NFASC: variants seen among roughly 807,000 people sequenced by gnomAD.
NFASC encodes neurofascin homolog.
A neutral mutation model predicts 147.5 loss-of-function variants in NFASC; 43 were observed. That is an observed-to-expected ratio of 0.29 (90% CI 0.23 to 0.38). NFASC has a LOEUF of 0.38. Ranked by LOEUF, NFASC falls within the 10% of genes least tolerant of loss-of-function variation. The pLI, the probability that NFASC is intolerant of heterozygous loss-of-function variation, is 1.00. For synonymous variants in NFASC, 622 were observed against 665.5 expected, an observed-to-expected ratio of 0.93 and a Z score of 1.01; for missense variants, 1,320 against 1,689.0, an observed-to-expected ratio of 0.78 and a Z score of 3.83.
chr1:204,886,971 T>TA (rs1008144281), intron 1 of NFASC, among the ~76,000 whole-genome samples: 20 of 151,978 alleles, frequency 1.3e-4, no homozygotes, highest in African/African-American at 4.6e-4. Context: ...TTTGCCTCAT[T>TA]AAAAAAAATT....
rs184766322 is a variant in NFASC, at chr1:204,907,124, G to A, written c.-199-13508G>A. Among the ~76,000 whole-genome samples, 20 of 152,290 alleles carry A rather than the reference G, an allele frequency of 1.3e-4. 1 individual carries two copies. In the South Asian group the frequency reaches 1.5e-3, roughly 11 times the overall value. On this transcript the variant is annotated intron_variant, in intron 1 of 29. Coordinates refer to ENST00000339876, the MANE Select transcript of NFASC (RefSeq NM_001005388.3). Reference sequence around the variant, plus strand: ...AGTGGCTGTACATCCTAACTAGGACGTGGGATTATGAGAAGTTTGTTTGTT... The same window carrying A: ...AGTGGCTGTACATCCTAACTAGGACATGGGATTATGAGAAGTTTGTTTGTT...
intron 24 of NFASC, chr1:204,993,682 G>C: frequency 2.1e-6 from 1 of 482,476 alleles, no homozygotes. Flanking sequence ...TGGTCGCCAG[G>C]CTGATGGTCT....
chr1:204,935,236 AAAG>A (rs1244965776), intron 2 of NFASC, among the ~76,000 whole-genome samples: 1 of 152,188 alleles, frequency 6.6e-6, no homozygotes, highest in Non-Finnish European at 1.5e-5. Flanking sequence ...GCAGACTAGG[AAAG>A]AAGAGTGATT....
chr1:205,001,145 AC>A (rs767708578), intron 25 of NFASC, 24 bp from the exon 26 acceptor site: 123 of 1,398,144 alleles, frequency 8.8e-5, no homozygotes, highest in Non-Finnish European at 2.0e-6. Context: ...CTCATCACTA[AC>A]CCCTTTTCTA....
chr1:204,973,898 G>T (rs1269492821), intron 12 of NFASC, among the ~76,000 whole-genome samples: 1 of 152,172 alleles, frequency 6.6e-6, no homozygotes, highest in African/African-American at 2.4e-5. Flanking sequence ...AATGCCTTAG[G>T]GCTGTGATGG....
intron 1 of NFASC, among the ~76,000 whole-genome samples, chr1:204,848,606 A>C (rs931753247): frequency 6.6e-6 from 1 of 152,250 alleles, no homozygotes; most frequent in Non-Finnish European, 1.5e-5. Context: ...GTCTGATTAT[A>C]AAGGTAAAAA....
At chr1:204,966,159 C>A (rs1022819208) in intron 8 of NFASC, among the ~76,000 whole-genome samples, 1 of 152,178 alleles carries the variant, frequency 6.6e-6, no homozygotes, top group Non-Finnish European at 1.5e-5. Flanking sequence ...TAGCCCACAT[C>A]CTACAAATGC....
intron 1 of NFASC, among the ~76,000 whole-genome samples, chr1:204,867,451 G>A (rs1272143939): frequency 7.0e-6 from 1 of 142,292 alleles, no homozygotes; most frequent in Non-Finnish European, 1.5e-5. Context: ...TACACAATCC[G>A]TAAACCCAAG....
In NFASC at chr1:204,954,009, T is replaced by C. The variant is rs2094293906; in HGVS notation, c.216-179T>C. Among the ~76,000 whole-genome samples the C allele has an allele frequency of 6.6e-6, 1 of 152,110 alleles. No homozygotes were observed. Among genetic ancestry groups the C allele is most frequent in the South Asian group, 2.1e-4 (1 of 4,816 alleles). On this transcript the variant is annotated intron_variant, in intron 5 of 29. Coordinates refer to ENST00000339876, the MANE Select transcript of NFASC (RefSeq NM_001005388.3). This position sits in a 1 kb window ranked among gnomAD's most constrained non-coding sequence, Gnocchi z 5.7. ...GTGGGACCTGGGACTTTGCATTTTA[T>C]TGAGCTCTCCAGATGGTTCTTCTGC...
chr1:204,842,064 T>TG (rs1418228622), intron 1 of NFASC, among the ~76,000 whole-genome samples: 1 of 152,182 alleles, frequency 6.6e-6, no homozygotes, highest in Admixed American at 6.5e-5. Context: ...AAGACCTTAT[T>TG]AGGTATTTGC....
intron 21 of NFASC, chr1:204,985,871 G>T: frequency 1.4e-6 from 2 of 1,439,940 alleles, no homozygotes; most frequent in South Asian, 1.2e-5. Flanking sequence ...ACCCAGCCCT[G>T]CCTGCCTGAC....
Position 204,981,926 on chromosome 1 carries a change from A to G in NFASC, c.2376A>G (p.Pro792=), listed in dbSNP as rs778987224. Residue 792 remains proline (P), a synonymous_variant, in exon 21 of 30, where the codon CCA becomes CCG. Coordinates refer to ENST00000339876, the MANE Select transcript of NFASC (RefSeq NM_001005388.3). ...CTCGCTACGTGGTGGGGCAGACCCC[A>G]GTCTACGTGCCCTATGAGATCCGAG... The part of the protein sequence containing the change: ...WGSRYVVGQT[P]VYVPYEIRVQ... 1 of 1,609,724 alleles carries G rather than the reference A, an allele frequency of 6.2e-7. No individual in the cohort carries two copies. Among genetic ancestry groups the G allele is most frequent in the African/African-American group, 1.3e-5 (1 of 74,870 alleles).
In NFASC at chr1:204,991,301, C is replaced by A; in HGVS notation, c.2777C>A (p.Thr926Asn). Residue 926 changes from threonine (T) to asparagine (N), a missense_variant, in exon 24 of 30, where the codon ACC becomes AAC. By Grantham distance (65) the Thr-to-Asn change is moderately conservative. Transcript: ENST00000339876. ...GCGCTGTGTTCTGAAGCTACTCCAA[C>A]CGCAGGTACCGTACCAGCCGCGGAG... ...SPAPPNEATP[T>N]AAPPTLPPTT... The A allele has an allele frequency of 1.2e-6, 2 of 1,612,840 alleles. No individual in the cohort carries two copies. The highest frequency in any genetic ancestry group is 1.7e-6 in the Non-Finnish European group (2 of 1,179,386).
At chr1:204,925,001 G>A (rs1052091654) in intron 2 of NFASC, among the ~76,000 whole-genome samples, 7 of 152,128 alleles carry the variant, frequency 4.6e-5, no homozygotes, top group South Asian at 2.1e-4. Context: ...TCAGCCTCTC[G>A]TGTAGCTGGG....
intron 1 of NFASC, among the ~76,000 whole-genome samples, chr1:204,887,308 C>T (rs2148973457): frequency 6.6e-6 from 1 of 152,262 alleles, no homozygotes; most frequent in East Asian, 1.9e-4. Context: ...AAGGTTCATC[C>T]AGGTTGTAGC....
At chr1:204,988,523 A>G in intron 22 of NFASC, 110 bp from the exon 23 acceptor site, 1 of 990,668 alleles carries the variant, frequency 1.0e-6, no homozygotes, top group Non-Finnish European at 1.5e-6. Context: ...AGGTGCCATC[A>G]TTTCCCTTTC....
rs149149745 is a variant in NFASC at position 204,884,088 on chromosome 1, C to G, written c.-199-36544C>G. On this transcript the variant is annotated intron_variant, in intron 1 of 29. Coordinates refer to ENST00000339876, the MANE Select transcript of NFASC (RefSeq NM_001005388.3). ...GGGAGGCTGAAATAAATGCATCCCA[C>G]TCTCTGCTGGAGTGACAGTGATTCT... Among the ~76,000 whole-genome samples, 499 of 152,280 alleles carry G rather than the reference C, an allele frequency of 3.3e-3. 4 individuals are homozygous for G. Among genetic ancestry groups the G allele is most frequent in the African/African-American group, 0.011 (475 of 41,548 alleles).
chr1:205,012,126 G>A (rs945820116), intron 28 of NFASC, among the ~76,000 whole-genome samples: 9 of 152,226 alleles, frequency 5.9e-5, no homozygotes, highest in East Asian at 3.8e-4. Flanking sequence ...GTGCACTAGC[G>A]ATACTGGAGG....
intron 1 of NFASC, among the ~76,000 whole-genome samples, chr1:204,903,605 T>TC (rs2085141632): frequency 6.6e-6 from 1 of 152,148 alleles, no homozygotes; most frequent in South Asian, 2.1e-4. Flanking sequence ...TCTTCCCAGG[T>TC]CCTACTTGCA....
Sources: allele counts gnomAD v4.1 joint callset (sites outside exome capture counted in the v4.1 genomes callset), GRCh38; gene constraint gnomAD v4.1.1; non-coding constraint Gnocchi (gnomAD v3.1); transcripts MANE v1.5; gene names NCBI Gene and HGNC (gene_info 2026-07-23, HGNC 2026-07-21).